ERC2: variants seen among roughly 807,000 people sequenced by gnomAD.
ERC2 encodes ERC protein 2.
ERC2 carries 42 observed loss-of-function variants against 114.8 expected under a neutral mutation model. The observed-to-expected ratio is 0.37, with a 90% CI of 0.29 to 0.47. The LOEUF (loss-of-function observed/expected upper bound fraction) is 0.47. ERC2 is among the 20% of genes least tolerant of loss of function. ERC2 has a pLI of 0.99. For missense variants in ERC2, 939 were observed against 1,150.7 expected (o/e 0.82, Z 2.66); for synonymous variants, 454 against 425.5 (o/e 1.07, Z -0.82).
chr3:55,866,177 G>A (rs2062305422), intron 14 of ERC2, among the ~76,000 whole-genome samples: 1 of 152,024 alleles, frequency 6.6e-6, no homozygotes, highest in Admixed American at 6.6e-5. Flanking sequence ...ATCTCATTGT[G>A]ATTTTGATTT....
intron 2 of ERC2, among the ~76,000 whole-genome samples, chr3:56,431,695 T>C (rs73832744): frequency 0.027 from 4,072 of 152,306 alleles, 189 homozygotes; most frequent in African/African-American, 0.093. Context: ...AGCTTGTTTT[T>C]TGTCAATCTT....
chr3:56,455,632 C>T (rs541573496), intron 1 of ERC2, among the ~76,000 whole-genome samples: 8 of 152,252 alleles, frequency 5.3e-5, no homozygotes, highest in African/African-American at 1.2e-4. Flanking sequence ...GAAGATTAAA[C>T]GAGATAATTC....
chr3:56,046,175 A>G (rs538301759), intron 7 of ERC2, among the ~76,000 whole-genome samples: 1 of 152,284 alleles, frequency 6.6e-6, no homozygotes, highest in South Asian at 2.1e-4. Context: ...GAGTCTGGAA[A>G]ATAATAGTTA....
At chr3:56,284,729 T>C (rs2054564258) in intron 3 of ERC2, among the ~76,000 whole-genome samples, 1 of 152,164 alleles carries the variant, frequency 6.6e-6, no homozygotes, top group African/African-American at 2.4e-5. Flanking sequence ...CTCAGATCCA[T>C]AATTATTACC....
At chr3:55,851,825 A>G (rs958530091) in intron 14 of ERC2, among the ~76,000 whole-genome samples, 3 of 152,054 alleles carry the variant, frequency 2.0e-5, no homozygotes, top group Non-Finnish European at 2.9e-5. Flanking sequence ...GCTCAGCCTA[A>G]TAAGGAGAAG....
At chr3:55,730,247 C>A (rs983665926) in intron 15 of ERC2, among the ~76,000 whole-genome samples, 3 of 152,176 alleles carry the variant, frequency 2.0e-5, no homozygotes, top group East Asian at 1.9e-4. Flanking sequence ...GTCATATAGT[C>A]TCTTGGACTT....
At chr3:56,208,482 G>C (rs1024359312) in intron 3 of ERC2, among the ~76,000 whole-genome samples, 7 of 152,178 alleles carry the variant, frequency 4.6e-5, no homozygotes, top group African/African-American at 1.7e-4. Context: ...TCAAATTGTA[G>C]TTTTAAAGCA....
At chr3:55,579,280 A>G (rs1395538413) in intron 17 of ERC2, among the ~76,000 whole-genome samples, 1 of 152,186 alleles carries the variant, frequency 6.6e-6, no homozygotes. Context: ...CATACTTTGT[A>G]TAGTATATAT....
chr3:55,870,824 T>G (rs2062549710), intron 14 of ERC2, among the ~76,000 whole-genome samples: 2 of 152,248 alleles, frequency 1.3e-5, no homozygotes, highest in Non-Finnish European at 2.9e-5. Context: ...AAGCCAACTC[T>G]CAACAGAACT....
At chr3:55,974,806 G>A (rs895879768) in intron 12 of ERC2, among the ~76,000 whole-genome samples, 6 of 152,114 alleles carry the variant, frequency 3.9e-5, no homozygotes, top group East Asian at 1.9e-4. Flanking sequence ...GCAAAGACTC[G>A]GACCAGCAGC....
intron 7 of ERC2, among the ~76,000 whole-genome samples, chr3:56,049,320 G>T (rs988547065): frequency 6.6e-6 from 1 of 152,174 alleles, no homozygotes; most frequent in Non-Finnish European, 1.5e-5. Context: ...TGCCCCATGT[G>T]ATCATGACTG....
intron 3 of ERC2, among the ~76,000 whole-genome samples, chr3:56,189,482 G>A (rs1416655891): frequency 2.6e-5 from 4 of 152,214 alleles, no homozygotes; most frequent in African/African-American, 4.8e-5. Flanking sequence ...TACTCAGGCC[G>A]CTGAAAATCT....
In ERC2 at chr3:55,981,114, C is replaced by T. The variant is rs140629646; in HGVS notation, c.2267+4863G>A. Among the ~76,000 whole-genome samples, 524 of 152,338 alleles carry T rather than the reference C, an allele frequency of 3.4e-3. 3 individuals carry two copies. Among genetic ancestry groups the T allele is most frequent in the African/African-American group, 0.012 (501 of 41,584 alleles). ...AGGTGTAAGCACCAATCCCTGGCTACGCCTCAAGGGTTCAAAACCATTTCT... is the reference window on the plus strand; with the variant it reads ...AGGTGTAAGCACCAATCCCTGGCTATGCCTCAAGGGTTCAAAACCATTTCT... On this transcript the variant is annotated intron_variant, in intron 12 of 17. Coordinates refer to ENST00000288221, the MANE Select transcript of ERC2 (RefSeq NM_015576.3).
intron 12 of ERC2, among the ~76,000 whole-genome samples, chr3:55,961,939 T>C (rs750774340): frequency 1.5e-4 from 22 of 151,514 alleles, no homozygotes; most frequent in Middle Eastern, 3.5e-3. Context: ...CCAAGTCTTA[T>C]CTTATCCTCC....
intron 3 of ERC2, among the ~76,000 whole-genome samples, chr3:56,265,523 A>G (rs2053233774): frequency 1.3e-5 from 2 of 152,202 alleles, no homozygotes; most frequent in African/African-American, 4.8e-5. Flanking sequence ...ATAGGAAAAA[A>G]CTTCTTGACA....
chr3:55,928,590 G>C (rs1441004908), intron 13 of ERC2, among the ~76,000 whole-genome samples: 1 of 151,968 alleles, frequency 6.6e-6, no homozygotes, highest in East Asian at 1.9e-4. Flanking sequence ...TGTTTCCCTT[G>C]TGTGTAGAAG....
chr3:55,603,658 A>C (rs1023147021), intron 17 of ERC2, among the ~76,000 whole-genome samples: 1 of 151,952 alleles, frequency 6.6e-6, no homozygotes, highest in Non-Finnish European at 1.5e-5. Context: ...AAAAAAAAAA[A>C]AAAAGCCCTT....
intron 15 of ERC2, among the ~76,000 whole-genome samples, chr3:55,709,858 G>A (rs2063683445): frequency 6.6e-6 from 1 of 152,164 alleles, no homozygotes; most frequent in Admixed American, 6.5e-5. Context: ...GCAGCTGGGA[G>A]GGAGAACGAG....
intron 10 of ERC2, among the ~76,000 whole-genome samples, chr3:56,002,770 G>A (rs1336936629): frequency 2.0e-5 from 3 of 151,978 alleles, no homozygotes; most frequent in Non-Finnish European, 4.4e-5. Context: ...ATCCCTTTCG[G>A]CCTAGATATG....
Sources: allele counts gnomAD v4.1 joint callset (sites outside exome capture counted in the v4.1 genomes callset), GRCh38; gene constraint gnomAD v4.1.1; transcripts MANE v1.5; gene names NCBI Gene and HGNC (gene_info 2026-07-23, HGNC 2026-07-21).